FAR1: variants seen among roughly 807,000 people sequenced by gnomAD.
FAR1 encodes the protein male sterility domain-containing protein 2.
In FAR1, 22 loss-of-function variants were observed where a neutral mutation model predicts 61.1. The ratio of observed to expected loss-of-function variants is 0.36; its 90% CI spans 0.26 to 0.51. The LOEUF (loss-of-function observed/expected upper bound fraction) is 0.51. Ranked by LOEUF, FAR1 falls within the 20% of genes least tolerant of loss-of-function variation. The pLI is 0.95. For synonymous variants in FAR1, 206 were observed against 209.7 expected, an observed-to-expected ratio of 0.98 and a Z score of 0.15; for missense variants, 359 against 626.9, an observed-to-expected ratio of 0.57 and a Z score of 4.56.
intron 1 of FAR1, among the ~76,000 whole-genome samples, chr11:13,672,856 T>C (rs1025504298): frequency 6.6e-6 from 1 of 152,202 alleles, no homozygotes; most frequent in East Asian, 1.9e-4. Flanking sequence ...CCTGAACACT[T>C]GTTTTCTTAG....
In FAR1 at chr11:13,714,694, GCT is replaced by G. The variant is rs1173959665; in HGVS notation, c.1127+17_1127+18del. On this transcript the variant is annotated intron_variant, in intron 9 of 11. Coordinates refer to ENST00000354817, the MANE Select transcript of FAR1 (RefSeq NM_032228.6). The stretch of plus-strand genomic sequence containing the variant: ...AAGAAGCCCAAGGTAATGGTGACTA[GCT>G]CTGTCTTATCTGTTCCTCTGTTAAA... 13 of 1,598,738 alleles carry G rather than the reference GCT, an allele frequency of 8.1e-6. No homozygotes were observed. Among genetic ancestry groups the G allele is most frequent in the Non-Finnish European group, 1.0e-5 (12 of 1,173,496 alleles).
intron 2 of FAR1, among the ~76,000 whole-genome samples, chr11:13,699,187 G>T (rs568631581): frequency 1.3e-5 from 2 of 152,092 alleles, no homozygotes; most frequent in South Asian, 4.2e-4. Flanking sequence ...TTTAAAGCTG[G>T]GTTAGTTGTT....
At chr11:13,712,151 C>T in intron 7 of FAR1, 105 bp downstream of exon 7, 1 of 816,450 alleles carries the variant, frequency 1.2e-6, no homozygotes, top group Non-Finnish European at 2.1e-6. Context: ...TATTGCCATA[C>T]CAATATTTAG....
At chr11:13,690,620 A>T (rs976968933) in intron 1 of FAR1, among the ~76,000 whole-genome samples, 4 of 152,202 alleles carry the variant, frequency 2.6e-5, no homozygotes, top group African/African-American at 9.6e-5. Context: ...TCTTGTCCCA[A>T]TACCACATTC....
At chr11:13,669,882 G>C (rs903813669) in intron 1 of FAR1, among the ~76,000 whole-genome samples, 3 of 102,658 alleles carry the variant, frequency 2.9e-5, no homozygotes, top group African/African-American at 1.1e-4. Context: ...AATTCTTTAT[G>C]TTAAAAAAAA....
chr11:13,727,068 A>G (rs1848674487), intron 10 of FAR1, among the ~76,000 whole-genome samples: 1 of 151,926 alleles, frequency 6.6e-6, no homozygotes, highest in African/African-American at 2.4e-5. Flanking sequence ...CTGTTATCCA[A>G]ACTCCTTAGC....
rs1391252288 is a variant in FAR1 at position 13,710,834 on chromosome 11, A to G, written c.687A>G (p.Pro229=). Residue 229 remains proline (P), a synonymous_variant, in exon 5 of 12, where the codon CCA becomes CCG. Coordinates refer to ENST00000354817, the MANE Select transcript of FAR1 (RefSeq NM_032228.6). The part of the protein sequence containing the change: ...GAKLNVAIVR[P]SIVGASWKEP... Reference sequence around the variant, plus strand: ...AACTAAATGTGGCAATTGTAAGGCCATCGATTGTTGGTGCCAGTTGGAAAG... The same window carrying G: ...AACTAAATGTGGCAATTGTAAGGCCGTCGATTGTTGGTGCCAGTTGGAAAG... 6.2e-7 allele frequency: 1 copy of G among 1,611,850 alleles called. No individual in the cohort carries two copies. The highest frequency in any genetic ancestry group is 1.3e-5 in the African/African-American group (1 of 74,948).
intron 1 of FAR1, among the ~76,000 whole-genome samples, chr11:13,692,902 GTCTT>G (rs771875772): frequency 1.3e-5 from 2 of 151,904 alleles, no homozygotes; most frequent in Non-Finnish European, 2.9e-5. Context: ...TTTCATTTTG[GTCTT>G]TCTTTATTTT....
chr11:13,669,369 T>A (rs1398796722), intron 1 of FAR1: 1 of 151,782 alleles, frequency 6.6e-6, no homozygotes, highest in East Asian at 1.9e-4. Flanking sequence ...CGGGCTTGGG[T>A]TTTGAAGGTG....
Position 13,694,954 on chromosome 11 carries a change from G to A in FAR1, c.189G>A (p.Lys63=). The A allele has an allele frequency of 6.2e-7, 1 of 1,602,366 alleles. No individual in the cohort carries two copies. Among genetic ancestry groups the A allele is most frequent in the South Asian group, 1.1e-5 (1 of 88,842 alleles). The change falls in exon 2 of 12, where the codon AAG becomes AAA. Residue 63 remains lysine, a splice_region_variant and synonymous_variant. Coordinates refer to ENST00000354817, the MANE Select transcript of FAR1 (RefSeq NM_032228.6). The part of the protein sequence containing the change: ...QERVEEVLSG[K]LFDRLRDENP... ...GAGTGGAAGAAGTCCTTAGTGGCAAGGTAAGTATGGAAAATGAGCACTCAG... is the reference window on the plus strand; with the variant it reads ...GAGTGGAAGAAGTCCTTAGTGGCAAAGTAAGTATGGAAAATGAGCACTCAG...
At chr11:13,704,571 GAGCCTT>G (rs1848413255) in intron 3 of FAR1, among the ~76,000 whole-genome samples, 1 of 152,142 alleles carries the variant, frequency 6.6e-6, no homozygotes, top group Non-Finnish European at 1.5e-5. Flanking sequence ...TTTTTAGCAA[GAGCCTT>G]AGGTGTTAGT....
chr11:13,722,489 T>C (rs1302878743), intron 10 of FAR1, among the ~76,000 whole-genome samples: 2 of 152,092 alleles, frequency 1.3e-5, no homozygotes, highest in African/African-American at 4.8e-5. Flanking sequence ...TTTTCTTTTT[T>C]TTTGAGATAG....
chr11:13,707,750 A>G, intron 3 of FAR1, 150 bp from the exon 4 acceptor site: 1 of 469,086 alleles, frequency 2.1e-6, no homozygotes, highest in Non-Finnish European at 3.5e-6. Flanking sequence ...TTAATATGGA[A>G]ATAAAATACA....
intron 1 of FAR1, chr11:13,685,624 C>G (rs924389659): frequency 5.9e-5 from 12 of 202,482 alleles, no homozygotes; most frequent in Admixed American, 4.0e-4. Flanking sequence ...GGCCAGGAAA[C>G]ACTTAATCCG....
intron 1 of FAR1, among the ~76,000 whole-genome samples, chr11:13,687,604 T>A (rs1848201527): frequency 6.6e-6 from 1 of 152,214 alleles, no homozygotes; most frequent in Admixed American, 6.5e-5. Flanking sequence ...TTAAAAGAAC[T>A]CTCATTTTTA....
In FAR1 at chr11:13,730,555, C is replaced by G. The variant is rs193178081; in HGVS notation, c.*1781C>G. ...TATTTAAAGTGGCCCACATAATATA[C>G]ATTGAGTACTCCATCTCTCCAAATG... On this transcript the variant is annotated 3_prime_UTR_variant, in exon 12 of 12. Coordinates refer to ENST00000354817, the MANE Select transcript of FAR1 (RefSeq NM_032228.6). The G allele has an allele frequency of 6.6e-6, 1 of 151,982 alleles. No homozygotes were observed. Among genetic ancestry groups the G allele is most frequent in the Non-Finnish European group, 1.5e-5 (1 of 67,952 alleles). The allele number at this position is 151,982 out of a possible 1,614,324, so 9.4% of individuals were successfully genotyped here.
intron 1 of FAR1, among the ~76,000 whole-genome samples, chr11:13,671,144 C>G (rs1259139703): frequency 6.6e-6 from 1 of 152,234 alleles, no homozygotes; most frequent in East Asian, 1.9e-4. Flanking sequence ...AGGCGACTTG[C>G]AGTAGAGAAG....
chr11:13,707,907 G>T lies in FAR1; in HGVS notation c.373G>T (p.Val125Phe). ...VRFNENLRDAVQLNVIATRQL... is the reference protein window; with the variant it reads ...VRFNENLRDAFQLNVIATRQL... ...CTTTTTCTTTTTAAACAGAGATGCT[G>T]TTCAGTTAAATGTGATTGCAACGCG... Residue 125 changes from valine to phenylalanine, a missense_variant, in exon 4 of 12, where the codon GTT (valine) becomes TTT (phenylalanine). Transcript: ENST00000354817. 1 of 1,560,884 alleles carries T rather than the reference G, an allele frequency of 6.4e-7. No homozygotes were observed. Among genetic ancestry groups the T allele is most frequent in the Non-Finnish European group, 8.7e-7 (1 of 1,153,818 alleles).
chr11:13,685,510 G>A lies in FAR1; in HGVS notation c.-7-9249G>A, dbSNP rs1285642800. ...TCATGTGCAATTCTTTATAGACCCA[G>A]TCTGGTTCTTCTCCAGTGTTTCCTT... On this transcript the variant is annotated intron_variant, in intron 1 of 11. Transcript: ENST00000354817. The A allele has an allele frequency of 1.2e-4, 26 of 216,848 alleles. No individual in the cohort carries two copies. The East Asian group carries it at 2.8e-3, about 23-fold the overall frequency. The allele number at this position is 216,848 out of a possible 1,614,324, so 13.4% of individuals were successfully genotyped here. A position where few individuals can be genotyped will look rare whatever the true frequency, so the allele number is the denominator to read the frequency against.
Sources: gnomAD v4.1 joint callset for allele counts (sites outside exome capture counted in the v4.1 genomes callset) on GRCh38, gnomAD v4.1.1 for gene constraint, MANE v1.5 for transcripts, NCBI Gene and HGNC (gene_info 2026-07-23, HGNC 2026-07-21) for gene names.